The following MAST4 variants were observed in gnomAD, a reference collection of about 807,000 sequenced individuals.
The protein encoded by MAST4 is microtubule-associated serine/threonine-protein kinase 4.
MAST4 carries 89 observed loss-of-function variants against 162.7 expected under a neutral mutation model. The ratio of observed to expected loss-of-function variants is 0.55; its 90% CI spans 0.46 to 0.65. The LOEUF is 0.65. Among genes scored for constraint, MAST4 ranks in the 30% least tolerant of loss-of-function variants. MAST4 has a pLI of 0.00. For synonymous variants in MAST4, 1,479 were observed against 1,361.1 expected (o/e 1.09, Z -1.91); for missense variants, 3,153 against 3,374.0 (o/e 0.93, Z 1.62).
At chr5:67,129,406 A>G (rs1027014111) in intron 14 of MAST4, among the ~76,000 whole-genome samples, 10 of 152,150 alleles carry the variant, frequency 6.6e-5, no homozygotes, top group African/African-American at 2.2e-4. Context: ...TGTGGATCCC[A>G]ATGGTATCAT....
intron 1 of MAST4, among the ~76,000 whole-genome samples, chr5:66,731,289 G>A (rs1751836262): frequency 6.8e-6 from 1 of 147,578 alleles, no homozygotes; most frequent in South Asian, 2.1e-4. Context: ...AGACACTGGG[G>A]TATATCTGCC....
chr5:67,071,564 A>G (rs1760997943), intron 5 of MAST4, among the ~76,000 whole-genome samples: 1 of 152,234 alleles, frequency 6.6e-6, no homozygotes, highest in African/African-American at 2.4e-5. Flanking sequence ...GTTCAAGACC[A>G]GACTGACCAA....
chr5:66,785,986 A>G (rs1393633905), intron 2 of MAST4, among the ~76,000 whole-genome samples: 1 of 152,050 alleles, frequency 6.6e-6, no homozygotes, highest in Admixed American at 6.5e-5. Flanking sequence ...CTCCCTTCTC[A>G]GCCTCCTGAG....
chr5:66,966,915 G>A (rs958118099), intron 4 of MAST4, among the ~76,000 whole-genome samples: 1 of 152,202 alleles, frequency 6.6e-6, no homozygotes, highest in Non-Finnish European at 1.5e-5. Context: ...ATGTTGTAAT[G>A]ATGAGTCTGG....
Position 66,650,769 on chromosome 5 carries a change from A to ATAACATGG in MAST4, c.363+53752_363+53759dup, listed in dbSNP as rs1395771050. On this transcript the variant is annotated intron_variant, in intron 1 of 28. Transcript: ENST00000403625. ...AACATCACTGGGTTAACACAAATAC[A>ATAACATGG]TAACATGGAATACTCCACTTTAATA... is the stretch of plus-strand genomic sequence containing the variant. Among the ~76,000 whole-genome samples the ATAACATGG allele has an allele frequency of 3.9e-5, 6 of 152,354 alleles. No homozygotes were observed. The East Asian group carries it at 1.2e-3, about 29-fold the overall frequency.
Position 66,925,088 on chromosome 5 carries a change from TTA to T in MAST4, c.674+25107_674+25108del, listed in dbSNP as rs543927224. Reference sequence around the variant, plus strand: ...GGCACAAATGTTTTTCTATATACTTTTAGACTTTTTTTCTAAATTCTTATTTG... The same window carrying T: ...GGCACAAATGTTTTTCTATATACTTTGACTTTTTTTCTAAATTCTTATTTG... On this transcript the variant is annotated intron_variant, in intron 4 of 28. Coordinates refer to ENST00000403625, the MANE Select transcript of MAST4 (RefSeq NM_001164664.2). Among the ~76,000 whole-genome samples the T allele has an allele frequency of 2.6e-5, 4 of 152,342 alleles. No homozygotes were observed. In the East Asian group the frequency reaches 7.7e-4, roughly 29 times the overall value.
intron 4 of MAST4, among the ~76,000 whole-genome samples, chr5:67,034,688 A>G (rs1409667462): frequency 1.3e-5 from 2 of 152,204 alleles, no homozygotes; most frequent in Admixed American, 6.5e-5. Context: ...GAGACACTTT[A>G]TATTCCAATG....
chr5:66,930,487 G>A (rs542418171), intron 4 of MAST4, among the ~76,000 whole-genome samples: 53 of 152,126 alleles, frequency 3.5e-4, no homozygotes, highest in African/African-American at 1.2e-3. Context: ...TCAGTAAGAC[G>A]TTCATTGTAT....
chr5:66,706,585 G>A (rs1312923938), intron 1 of MAST4, among the ~76,000 whole-genome samples: 1 of 147,794 alleles, frequency 6.8e-6, no homozygotes, highest in Non-Finnish European at 1.5e-5. Context: ...TGTGTGTTCT[G>A]AGTAATGATG....
chr5:66,860,405 C>A (rs1324602699), intron 3 of MAST4, among the ~76,000 whole-genome samples: 1 of 152,086 alleles, frequency 6.6e-6, no homozygotes, highest in Non-Finnish European at 1.5e-5. Context: ...GCTATCCTGG[C>A]ATTTTATTTT....
chr5:66,781,080 G>A (rs541621128), intron 2 of MAST4, among the ~76,000 whole-genome samples: 4 of 152,212 alleles, frequency 2.6e-5, no homozygotes, highest in South Asian at 2.1e-4. Context: ...ATTCCATTGC[G>A]CTCCATTCAT....
intron 1 of MAST4, among the ~76,000 whole-genome samples, chr5:66,706,608 ATTT>A (rs11294899): frequency 1.2e-4 from 18 of 149,248 alleles, no homozygotes; most frequent in African/African-American, 3.7e-4. Flanking sequence ...AGAAATAGTA[ATTT>A]TTTTTTTTTT....
intron 16 of MAST4, among the ~76,000 whole-genome samples, chr5:67,132,355 A>G (rs376004454): frequency 1.3e-5 from 2 of 152,206 alleles, no homozygotes; most frequent in East Asian, 1.9e-4. Flanking sequence ...GCTTATATTA[A>G]TAACTTATCA....
intron 1 of MAST4, among the ~76,000 whole-genome samples, chr5:66,670,572 C>T (rs961189229): frequency 6.6e-5 from 10 of 152,130 alleles, no homozygotes; most frequent in Admixed American, 1.3e-4. Context: ...CTCAGAAAAA[C>T]TTTTTAATTG....
chr5:66,902,172 C>T (rs1201141982), intron 4 of MAST4, among the ~76,000 whole-genome samples: 1 of 152,000 alleles, frequency 6.6e-6, no homozygotes, highest in East Asian at 1.9e-4. Context: ...GTTGTTGTTC[C>T]ATATTAACAG....
chr5:66,602,082 C>T (rs1212115765), intron 1 of MAST4, among the ~76,000 whole-genome samples: 1 of 152,150 alleles, frequency 6.6e-6, no homozygotes, highest in Admixed American at 6.5e-5. Flanking sequence ...TACTTTTGAT[C>T]TGTTGAAGAG....
Position 67,163,569 on chromosome 5 carries a change from C to T in MAST4, c.4390C>T (p.Arg1464Cys), listed in dbSNP as rs775862274. Reference sequence around the variant, plus strand: ...CAGTGACAAGAAGCACCTGTGCTCCCGCAAGCACAGCCTGGAGGTGACCCA... The same window carrying T: ...CAGTGACAAGAAGCACCTGTGCTCCTGCAAGCACAGCCTGGAGGTGACCCA... ...YGSDKKHLCS[R>C]KHSLEVTQEE... Residue 1464 changes from arginine (R) to cysteine (C), a missense_variant, in exon 29 of 29, where the codon CGC becomes TGC. Coordinates refer to ENST00000403625, the MANE Select transcript of MAST4 (RefSeq NM_001164664.2). This position sits in a 1 kb window ranked among gnomAD's most constrained non-coding sequence, Gnocchi z 7.0. The T allele has an allele frequency of 8.8e-6, 14 of 1,594,572 alleles. No individual in the cohort carries two copies. The highest frequency in any genetic ancestry group is 1.2e-5 in the Non-Finnish European group (14 of 1,171,132).
intron 4 of MAST4, among the ~76,000 whole-genome samples, chr5:67,044,526 T>A (rs192299423): frequency 3.5e-4 from 54 of 152,324 alleles, no homozygotes; most frequent in Admixed American, 7.8e-4. Flanking sequence ...TTTTTCTTTT[T>A]TTAAATTAGA....
chr5:66,788,628 G>T, intron 2 of MAST4, 42 bp from the exon 3 acceptor site: 1 of 713,072 alleles, frequency 1.4e-6, no homozygotes, highest in Non-Finnish European at 2.2e-6. Flanking sequence ...GACTACTACC[G>T]GCTGCCTGTC....
Sources: allele counts gnomAD v4.1 joint callset (sites outside exome capture counted in the v4.1 genomes callset), GRCh38; gene constraint gnomAD v4.1.1; non-coding constraint Gnocchi (gnomAD v3.1); transcripts MANE v1.5; gene names NCBI Gene and HGNC (gene_info 2026-07-23, HGNC 2026-07-21).